Variants in ST7 observed in about 807,000 individuals in gnomAD.
ST7 encodes the protein suppressor of tumorigenicity 7 protein.
ST7 carries 28 observed loss-of-function variants against 78.7 expected under a neutral mutation model. The observed-to-expected ratio is 0.36, with a 90% CI of 0.26 to 0.49. The LOEUF (loss-of-function observed/expected upper bound fraction) is 0.49, where lower values mean the gene tolerates loss of function less well. ST7 is among the 20% of genes least tolerant of loss of function. ST7 has a pLI of 0.99. For missense variants in ST7, 418 were observed against 696.0 expected, an observed-to-expected ratio of 0.60 and a Z score of 4.49; for synonymous variants, 247 against 249.6, an observed-to-expected ratio of 0.99 and a Z score of 0.10.
In ST7 at chr7:117,055,590, C is replaced by A. The variant is rs537044814; in HGVS notation, c.152-44172C>A. On this transcript the variant is annotated intron_variant, in intron 1 of 15. Transcript: ENST00000323984. ...GGATTTGCACTCAGGTCATTGTCAC[C>A]AATAACCTGTGCTCCAACCACTACA... Among the ~76,000 whole-genome samples the A allele has an allele frequency of 8.7e-3, 1,328 of 152,270 alleles. 22 individuals are homozygous for A. The highest frequency in any genetic ancestry group is 0.029 in the African/African-American group (1,223 of 41,540).
intron 1 of ST7, among the ~76,000 whole-genome samples, chr7:117,055,117 C>G (rs563605774): frequency 6.6e-6 from 1 of 152,272 alleles, no homozygotes; most frequent in African/African-American, 2.4e-5. Context: ...ACCAAGGATT[C>G]AGTTTGATTG....
At chr7:116,967,411 A>G (rs1224729964) in intron 1 of ST7, 2 of 471,184 alleles carry the variant, frequency 4.2e-6, no homozygotes, top group South Asian at 1.5e-5. Context: ...ACCAGTTCCT[A>G]TTGTGGACAT....
At chr7:116,992,607 C>A (rs921665876) in intron 1 of ST7, among the ~76,000 whole-genome samples, 17 of 152,214 alleles carry the variant, frequency 1.1e-4, no homozygotes, top group African/African-American at 4.1e-4. Context: ...AGAGAGGCTG[C>A]CGCAAAGGTC....
intron 1 of ST7, among the ~76,000 whole-genome samples, chr7:117,011,140 GTGTGTGTGTGTGTTAA>G (rs1795368469): frequency 1.3e-5 from 2 of 152,270 alleles, no homozygotes; most frequent in South Asian, 4.1e-4. Flanking sequence ...TATTTTGTGT[GTGTGTGTGTGTGTTAA>G]TGTGTGTGTG....
chr7:117,218,969 T>G (rs554490607), intron 13 of ST7, 115 bp from the exon 14 acceptor site: 1 of 752,862 alleles, frequency 1.3e-6, no homozygotes, highest in Admixed American at 2.3e-5. Flanking sequence ...GGGTAAGCCT[T>G]GCCTCCTTTG....
chr7:117,210,917 G>T (rs994370090), intron 13 of ST7, among the ~76,000 whole-genome samples: 3 of 152,226 alleles, frequency 2.0e-5, no homozygotes, highest in Non-Finnish European at 4.4e-5. Context: ...TCTTCTGACA[G>T]TTGTTTCCTA....
chr7:117,222,087 C>A, intron 15 of ST7, 25 bp downstream of exon 15: 1 of 1,585,636 alleles, frequency 6.3e-7, no homozygotes, highest in Non-Finnish European at 8.5e-7. Flanking sequence ...AGAGGGAGGC[C>A]TTGGGGAATG....
chr7:116,990,946 T>C (rs1794398264), intron 1 of ST7, among the ~76,000 whole-genome samples: 1 of 152,212 alleles, frequency 6.6e-6, no homozygotes, highest in Non-Finnish European at 1.5e-5. Flanking sequence ...AAGTGACACA[T>C]AGATTTGATT....
chr7:117,109,464 A>G (rs1299302964), intron 2 of ST7, among the ~76,000 whole-genome samples: 1 of 152,234 alleles, frequency 6.6e-6, no homozygotes, highest in African/African-American at 2.4e-5. Flanking sequence ...GAAAACCTAG[A>G]AGAGATGGAT....
intron 1 of ST7, among the ~76,000 whole-genome samples, chr7:117,082,354 T>A (rs1799848544): frequency 6.6e-6 from 1 of 152,198 alleles, no homozygotes; most frequent in Non-Finnish European, 1.5e-5. Context: ...AATACCCAAT[T>A]TGACTACTTA....
chr7:116,981,467 C>G (rs1209348959), intron 1 of ST7, among the ~76,000 whole-genome samples: 4 of 152,118 alleles, frequency 2.6e-5, no homozygotes, highest in Non-Finnish European at 5.9e-5. Flanking sequence ...TGTGATGATG[C>G]TATGTTTTTC....
At chr7:117,050,070 C>G (rs56011846) in intron 1 of ST7, among the ~76,000 whole-genome samples, 26,397 of 149,756 alleles carry the variant, frequency 0.18, 2,770 homozygotes, top group Non-Finnish European at 0.25. Flanking sequence ...AAAAAAATAG[C>G]TGGGTGTGTT....
At chr7:117,161,913 C>G (rs1584495442) in intron 9 of ST7, among the ~76,000 whole-genome samples, 1 of 151,986 alleles carries the variant, frequency 6.6e-6, no homozygotes, top group African/African-American at 2.4e-5. Flanking sequence ...ATTTTCTTTT[C>G]TGACATTTCT....
intron 1 of ST7, among the ~76,000 whole-genome samples, chr7:117,048,845 C>T (rs958327272): frequency 6.6e-6 from 1 of 151,986 alleles, no homozygotes; most frequent in Non-Finnish European, 1.5e-5. Context: ...ACTGACAGTC[C>T]TTTCCATAGA....
Position 117,136,091 on chromosome 7 carries a change from G to T in ST7, c.721G>T (p.Ala241Ser). The change falls in exon 8 of 16, where the codon GCT (alanine) becomes TCT (serine). Residue 241 changes from alanine (A) to serine (S), a missense_variant. This residue lies in a region of ST7 where 288 missense variants were observed against 537.1 expected (regional missense o/e 0.54). Coordinates refer to ENST00000323984, the MANE Select transcript of ST7 (RefSeq NM_001369598.1). Reference sequence around the variant, plus strand: ...TATCTGAATGAACAGGTGTGCAACTGCTTATATTCTCTTGGCTGAAGAGGA... The same window carrying T: ...TATCTGAATGAACAGGTGTGCAACTTCTTATATTCTCTTGGCTGAAGAGGA... Reference protein sequence around the residue: ...EIKLLPKCATAYILLAEEEAT... With the variant: ...EIKLLPKCATSYILLAEEEAT... The T allele has an allele frequency of 6.2e-7, 1 of 1,613,300 alleles. No individual in the cohort carries two copies. The highest frequency in any genetic ancestry group is 1.3e-5 in the African/African-American group (1 of 74,946).
chr7:116,972,654 C>G (rs1206284718), intron 1 of ST7: 1 of 1,154,554 alleles, frequency 8.7e-7, no homozygotes, highest in Non-Finnish European at 1.3e-6. Context: ...CTCTCTCACT[C>G]TCATCAGCAG....
chr7:117,015,864 T>C (rs1185115083), intron 1 of ST7, among the ~76,000 whole-genome samples: 2 of 152,154 alleles, frequency 1.3e-5, no homozygotes, highest in Non-Finnish European at 2.9e-5. Flanking sequence ...AAATTTTTTT[T>C]CTAGGGCAGA....
At chr7:117,184,593 ATTAGTGATCAC>A (rs1211653667) in intron 10 of ST7, among the ~76,000 whole-genome samples, 5 of 152,204 alleles carry the variant, frequency 3.3e-5, no homozygotes, top group Admixed American at 3.3e-4. Context: ...TACAGAACAG[ATTAGTGATCAC>A]CAGGGGACAT....
At chr7:117,020,793 G>A (rs923704523) in intron 1 of ST7, among the ~76,000 whole-genome samples, 6 of 152,106 alleles carry the variant, frequency 3.9e-5, no homozygotes, top group Non-Finnish European at 5.9e-5. Context: ...CCCTTAACTG[G>A]GTTATTCATC....
Sources: gnomAD v4.1 joint callset for allele counts (sites outside exome capture counted in the v4.1 genomes callset) on GRCh38, gnomAD v4.1.1 for gene constraint, gnomAD v4.1.1 regional missense constraint, MANE v1.5 for transcripts, NCBI Gene and HGNC (gene_info 2026-07-23, HGNC 2026-07-21) for gene names.